Variants in INO80C observed in about 807,000 individuals in gnomAD.
The protein encoded by INO80C is INO80 complex subunit C.
A neutral mutation model predicts 17.7 loss-of-function variants in INO80C; 17 were observed. That is an observed-to-expected ratio of 0.96 (90% confidence interval 0.66 to 1.44). The LOEUF is 1.44. Ranked by LOEUF, INO80C falls within the 40% of genes most tolerant of loss-of-function variation. The pLI is 0.00. For missense variants in INO80C, 244 were observed against 245.0 expected (o/e 1.00, Z 0.03); for synonymous variants, 96 against 95.8 (o/e 1.00, Z -0.01).
intron 4 of INO80C, 99 bp downstream of exon 4, chr18:35,478,183 A>G: frequency 1.1e-6 from 1 of 913,710 alleles, no homozygotes; most frequent in Non-Finnish European, 1.7e-6. Context: ...GACAGGCTCC[A>G]GGCAGGACCA....
intron 1 of INO80C, among the ~76,000 whole-genome samples, chr18:35,491,989 C>T (rs1163003245): frequency 4.6e-5 from 7 of 152,182 alleles, no homozygotes; most frequent in South Asian, 2.1e-4. Context: ...GCCTGGGTCT[C>T]GCCCTGCTCT....
Position 35,497,939 on chromosome 18 carries a change from C to A in INO80C, c.-65G>T, listed in dbSNP as rs866817957. ...CAGCGCGGGCCTTGGAACTTCCTTT[C>A]CGCTGTTACTTCCGTCTTGATGCTT... On this transcript the variant is annotated 5_prime_UTR_variant, in exon 1 of 5. Coordinates refer to ENST00000334598, the MANE Select transcript of INO80C (RefSeq NM_194281.4). The A allele has an allele frequency of 4.1e-6, 6 of 1,448,732 alleles. No homozygotes were observed. In the Admixed American group the frequency reaches 7.8e-5, roughly 19 times the overall value. 89.7% of individuals were successfully genotyped at this position (1,448,732 alleles called of 1,614,324 possible). A position where few individuals can be genotyped will look rare whatever the true frequency, so the allele number is the denominator to read the frequency against.
chr18:35,475,579 T>C (rs1818540532), intron 4 of INO80C, among the ~76,000 whole-genome samples: 1 of 151,746 alleles, frequency 6.6e-6, no homozygotes, highest in Non-Finnish European at 1.5e-5. Context: ...CTGAGGTAGA[T>C]GCATCACCTG....
chr18:35,472,222 G>A (rs1007610165), intron 4 of INO80C, among the ~76,000 whole-genome samples: 8 of 152,210 alleles, frequency 5.3e-5, no homozygotes. Context: ...CCCACCAACA[G>A]TGTAAAAGTG....
At chr18:35,477,120 T>G (rs1442572431) in intron 4 of INO80C, among the ~76,000 whole-genome samples, 1 of 152,184 alleles carries the variant, frequency 6.6e-6, no homozygotes, top group African/African-American at 2.4e-5. Context: ...GGCGTGTGCC[T>G]GTAGTCCCAG....
At chr18:35,478,182 C>CA (rs1217194846) in intron 4 of INO80C, 100 bp downstream of exon 4, 1 of 903,794 alleles carries the variant, frequency 1.1e-6, no homozygotes, top group Admixed American at 2.5e-5. Context: ...AGACAGGCTC[C>CA]AGGCAGGACC....
intron 1 of INO80C, among the ~76,000 whole-genome samples, chr18:35,480,940 T>C (rs557194145): frequency 1.3e-5 from 2 of 152,356 alleles, no homozygotes; most frequent in African/African-American, 4.8e-5. Context: ...CAAGGTCACA[T>C]AGTGATTGAG....
At chr18:35,487,986 A>G (rs935567160) in intron 1 of INO80C, among the ~76,000 whole-genome samples, 2 of 152,232 alleles carry the variant, frequency 1.3e-5, no homozygotes, top group African/African-American at 4.8e-5. Context: ...TAAAGCTCCA[A>G]AATGATCTCC....
At chr18:35,493,724 A>G (rs1300215441) in intron 1 of INO80C, among the ~76,000 whole-genome samples, 2 of 152,224 alleles carry the variant, frequency 1.3e-5, no homozygotes, top group African/African-American at 4.8e-5. Flanking sequence ...GGAAAGTTAA[A>G]CCCACCTTAA....
Position 35,485,618 on chromosome 18 carries a change from C to T in INO80C, c.157-5055G>A, listed in dbSNP as rs556327572. ...GTAAGAACGTAAAATGGTGCAAAAACACCATTAAAAAAAAAACACAATTGG... is the reference window on the plus strand; with the variant it reads ...GTAAGAACGTAAAATGGTGCAAAAATACCATTAAAAAAAAAACACAATTGG... On this transcript the variant is annotated intron_variant, in intron 1 of 4. Transcript: ENST00000334598. Among the ~76,000 whole-genome samples, 3 of 151,622 alleles carry T rather than the reference C, an allele frequency of 2.0e-5. No homozygotes were observed. The South Asian group carries it at 6.3e-4, about 32-fold the overall frequency.
chr18:35,474,070 C>T (rs1346221594), intron 4 of INO80C, among the ~76,000 whole-genome samples: 1 of 150,578 alleles, frequency 6.6e-6, no homozygotes, highest in Non-Finnish European at 1.5e-5. Flanking sequence ...AAAAGGCAGT[C>T]AACAGAAACT....
intron 1 of INO80C, 130 bp from the exon 2 acceptor site, chr18:35,480,693 C>T (rs2045796536): frequency 1.4e-6 from 1 of 704,652 alleles, no homozygotes; most frequent in Non-Finnish European, 2.5e-6. Context: ...AGAGCTCCAG[C>T]AGGCAGCCTG....
chr18:35,474,505 C>A (rs1228658580), intron 4 of INO80C, among the ~76,000 whole-genome samples: 1 of 151,186 alleles, frequency 6.6e-6, no homozygotes, highest in Non-Finnish European at 1.5e-5. Context: ...CTGGGCAACA[C>A]AGTAAGACCC....
intron 1 of INO80C, among the ~76,000 whole-genome samples, chr18:35,484,253 G>A (rs909766501): frequency 2.0e-5 from 3 of 152,158 alleles, no homozygotes; most frequent in Non-Finnish European, 4.4e-5. Context: ...TGAGTGCTGT[G>A]GAATTGGATT....
rs1253409785 is a variant in INO80C, at chr18:35,468,723, T to C, written c.467A>G (p.Gln156Arg). 1.2e-6 allele frequency: 2 copies of C among 1,613,998 alleles called. No individual in the cohort carries two copies. Among genetic ancestry groups the C allele is most frequent in the African/African-American group, 1.3e-5 (1 of 74,914 alleles). ...AATGGTGCTGAACCGCAGTTTGCTC[T>C]GGGGGTCTGTGTAGTTGGCCTGGGT... is the stretch of plus-strand genomic sequence containing the variant. Reference protein sequence around the residue: ...SGLLANYTDPQSKLRFSTIEE... With the variant: ...SGLLANYTDPRSKLRFSTIEE... Residue 156 changes from glutamine (Q) to arginine (R), a missense_variant, in exon 5 of 5, where the codon CAG becomes CGG. Transcript: ENST00000334598.
intron 4 of INO80C, among the ~76,000 whole-genome samples, chr18:35,476,040 T>C (rs563008737): frequency 6.6e-6 from 1 of 152,304 alleles, no homozygotes; most frequent in Admixed American, 6.5e-5. Context: ...ATGCACAAAG[T>C]GGCAAAATAT....
intron 1 of INO80C, among the ~76,000 whole-genome samples, chr18:35,481,928 G>A (rs1191859779): frequency 2.6e-5 from 4 of 152,184 alleles, no homozygotes; most frequent in Non-Finnish European, 2.9e-5. Flanking sequence ...ATGTTGTTGC[G>A]TGGATCAGTC....
At chr18:35,470,981 T>C (rs2045662838) in intron 4 of INO80C, among the ~76,000 whole-genome samples, 1 of 152,206 alleles carries the variant, frequency 6.6e-6, no homozygotes, top group Non-Finnish European at 1.5e-5. Flanking sequence ...TATTCACGGC[T>C]TGCCCGTCTC....
chr18:35,470,833 A>G (rs1357172448), intron 4 of INO80C, among the ~76,000 whole-genome samples: 1 of 152,262 alleles, frequency 6.6e-6, no homozygotes. Context: ...GAGTTGAACA[A>G]GTAAAGAGCT....
Sources: allele counts gnomAD v4.1 joint callset (sites outside exome capture counted in the v4.1 genomes callset), GRCh38; gene constraint gnomAD v4.1.1; transcripts MANE v1.5; gene names NCBI Gene and HGNC (gene_info 2026-07-23, HGNC 2026-07-21).